The following KANSL3 variants were observed in gnomAD, a reference collection of about 807,000 sequenced individuals.
The protein encoded by KANSL3 is KAT8 regulatory NSL complex subunit 3, also known as NSL complex protein NSL3.
In KANSL3, 16 loss-of-function variants were observed where a neutral mutation model predicts 89.2. The observed-to-expected ratio is 0.18, with a 90% CI of 0.12 to 0.27. KANSL3 has a LOEUF of 0.27. KANSL3 is among the 10% of genes least tolerant of loss of function. The probability of loss-of-function intolerance (pLI) is 1.00; values close to 1 mark genes in which losing one functional copy is unlikely to be tolerated. For synonymous variants in KANSL3, 385 were observed against 419.7 expected, an observed-to-expected ratio of 0.92 and a Z score of 1.01; for missense variants, 879 against 1,110.6, an observed-to-expected ratio of 0.79 and a Z score of 2.96.
the KANSL3 span, among the ~76,000 whole-genome samples, chr2:96,583,257 A>G: frequency 6.6e-6 from 1 of 152,096 alleles, no homozygotes; most frequent in African/African-American, 2.4e-5. Context: ...TTTTTTATTT[A>G]TAGTTATTAC....
chr2:96,611,499 C>A (rs1284020903), intron 9 of KANSL3, among the ~76,000 whole-genome samples: 1 of 152,176 alleles, frequency 6.6e-6, no homozygotes, highest in Non-Finnish European at 1.5e-5. Flanking sequence ...TTGCCATTAA[C>A]CCTTAAGTGA....
intron 7 of KANSL3, 91 bp from the exon 8 acceptor site, chr2:96,612,654 T>C: frequency 8.1e-7 from 1 of 1,233,420 alleles, no homozygotes; most frequent in Non-Finnish European, 1.2e-6. Flanking sequence ...AACCTTGGAA[T>C]TCCACATGAA....
intron 11 of KANSL3, among the ~76,000 whole-genome samples, chr2:96,609,950 C>CAAA (rs35175492): frequency 0.074 from 1,592 of 21,612 alleles, 645 homozygotes; most frequent in African/African-American, 0.18. Flanking sequence ...GGCGCCACCT[C>CAAA]AAAAAAAAAA....
chr2:96,621,205 G>A (rs1009546683), intron 3 of KANSL3, among the ~76,000 whole-genome samples: 1 of 151,958 alleles, frequency 6.6e-6, no homozygotes, highest in African/African-American at 2.4e-5. Context: ...AGACATAAAA[G>A]GAAGAAAGAG....
At chr2:96,632,952 C>T (rs528036541) in intron 2 of KANSL3, among the ~76,000 whole-genome samples, 20 of 132,810 alleles carry the variant, frequency 1.5e-4, no homozygotes, top group Non-Finnish European at 2.5e-4. Flanking sequence ...GGAGACAGAG[C>T]GAGACTCCAT....
At chr2:96,589,375 A>G (rs964414945), downstream of KANSL3, among the ~76,000 whole-genome samples, 2 of 152,224 alleles carry the variant, frequency 1.3e-5, no homozygotes, top group Non-Finnish European at 2.9e-5. Flanking sequence ...ATGTCATGCA[A>G]ACATAAATCA....
intron 3 of KANSL3, among the ~76,000 whole-genome samples, chr2:96,627,722 A>G (rs970390908): frequency 2.4e-4 from 36 of 152,344 alleles, no homozygotes; most frequent in African/African-American, 5.8e-4. Flanking sequence ...ATGACTTTAT[A>G]TAAGAAGAAA....
chr2:96,610,428 G>A (rs568954664), intron 11 of KANSL3: 80 of 217,432 alleles, frequency 3.7e-4, no homozygotes, highest in Non-Finnish European at 6.1e-4. Context: ...CCATTCTCCT[G>A]CCTCAGCCTC....
chr2:96,585,374 A>AT, the KANSL3 span, among the ~76,000 whole-genome samples: 2 of 152,216 alleles, frequency 1.3e-5, no homozygotes, highest in East Asian at 3.8e-4. Flanking sequence ...ATATGAAAAA[A>AT]TGCTCAACAC....
In KANSL3 at chr2:96,608,555, C is replaced by G; in HGVS notation, c.1694G>C (p.Arg565Thr). The G allele has an allele frequency of 6.2e-7, 1 of 1,614,052 alleles. No individual in the cohort carries two copies. Among genetic ancestry groups the G allele is most frequent in the Non-Finnish European group, 8.5e-7 (1 of 1,179,896 alleles). Residue 565 changes from arginine to threonine, a missense_variant, in exon 14 of 21, where the codon AGA (arginine) becomes ACA (threonine). Arg to Thr is a moderately conservative substitution (Grantham distance 71, BLOSUM62 -1). Coordinates refer to ENST00000431828, the MANE Select transcript of KANSL3 (RefSeq NM_001115016.3). ...CACAGCTTCTGTCCGCTGCACATGT[C>G]TCTTCAGCAGCTGAGAACTTCCAAT... The part of the protein sequence containing the change: ...SQIGSSQLLK[R>T]HVQRTEAVLT...
At chr2:96,633,732 G>A (rs2106241907) in intron 2 of KANSL3, among the ~76,000 whole-genome samples, 1 of 152,186 alleles carries the variant, frequency 6.6e-6, no homozygotes, top group Admixed American at 6.5e-5. Flanking sequence ...GGGTGTGGCA[G>A]CGTGCACCTA....
Position 96,602,170 on chromosome 2 carries a change from C to A in KANSL3, c.2428G>T (p.Ala810Ser), listed in dbSNP as rs1252975092. The A allele has an allele frequency of 1.2e-6, 2 of 1,600,874 alleles. No homozygotes were observed. Among genetic ancestry groups the A allele is most frequent in the Admixed American group, 3.4e-5 (2 of 58,058 alleles). ...IHQLLTNGGL[A>S]KLASSLPGLA... The stretch of plus-strand genomic sequence containing the variant: ...CCAGGGAGGCTGCTTGCCAACTTAG[C>A]GAGGCCCCCATTGGTCAGCAGCTGG... Residue 810 changes from alanine to serine, a missense_variant, in exon 19 of 21, where the codon GCT becomes TCT. Ala to Ser is a moderately conservative substitution (Grantham distance 99). Around this residue, in one of 6 missense-constraint regions of KANSL3, gnomAD observed 89 missense variants for 139.7 expected, o/e 0.64. Coordinates refer to ENST00000431828, the MANE Select transcript of KANSL3 (RefSeq NM_001115016.3).
chr2:96,631,549 T>C (rs991628829), intron 2 of KANSL3, 67 bp from the exon 3 acceptor site: 1 of 1,527,422 alleles, frequency 6.5e-7, no homozygotes, highest in African/African-American at 1.4e-5. Context: ...ATCATCTGGT[T>C]GACAAAAAAT....
intron 2 of KANSL3, among the ~76,000 whole-genome samples, chr2:96,632,915 G>A (rs564472540): frequency 9.6e-5 from 14 of 146,574 alleles, no homozygotes; most frequent in East Asian, 8.1e-4. Flanking sequence ...GCAGTGAGCC[G>A]AGATTGCGCC....
rs1419464513 is a variant in KANSL3 at position 96,602,814 on chromosome 2, T to C, written c.2198A>G (p.Gln733Arg). The change falls in exon 18 of 21, where the codon CAG becomes CGG. Residue 733 changes from glutamine to arginine, a missense_variant. Gln to Arg is a conservative substitution (Grantham distance 43). Transcript: ENST00000431828. ...SLLQGLSFSL[Q>R]DISSKTSGLP... Reference sequence around the variant, plus strand: ...GCCAGAGGTCTTGCTGCTGATATCCTGCAAGCTGAAGCTGAGGCCTTGGAG... The same window carrying C: ...GCCAGAGGTCTTGCTGCTGATATCCCGCAAGCTGAAGCTGAGGCCTTGGAG... 6.2e-7 allele frequency: 1 copy of C among 1,613,324 alleles called. No individual in the cohort carries two copies. Among genetic ancestry groups the C allele is most frequent in the Non-Finnish European group, 8.5e-7 (1 of 1,179,564 alleles).
chr2:96,590,042 C>T (rs1287789388), downstream of KANSL3, among the ~76,000 whole-genome samples: 1 of 151,766 alleles, frequency 6.6e-6, no homozygotes, highest in Non-Finnish European at 1.5e-5. Flanking sequence ...TGCCTGTAAT[C>T]CCAGCTACTA....
At chr2:96,622,229 G>C (rs1310135944) in intron 3 of KANSL3, among the ~76,000 whole-genome samples, 4 of 152,114 alleles carry the variant, frequency 2.6e-5, no homozygotes, top group Non-Finnish European at 5.9e-5. Flanking sequence ...TTTGAGACCA[G>C]CTTGGGCAAC....
chr2:96,601,625 C>A lies in KANSL3; in HGVS notation c.2616+18G>T. 6.2e-7 allele frequency: 1 copy of A among 1,611,986 alleles called. No homozygotes were observed. Among genetic ancestry groups the A allele is most frequent in the Non-Finnish European group, 8.5e-7 (1 of 1,179,192 alleles). On this transcript the variant is annotated intron_variant, in intron 20 of 20. Coordinates refer to ENST00000431828, the MANE Select transcript of KANSL3 (RefSeq NM_001115016.3). ...CAATAATGAAGCCCATGTCCTCAGT[C>A]CTTCCTGGCAGACTCACCTGTGAGC...
chr2:96,600,384 CA>C, intron 20 of KANSL3: 2 of 876,508 alleles, frequency 2.3e-6, no homozygotes, highest in Non-Finnish European at 2.7e-6. Flanking sequence ...TAAGCATAAT[CA>C]TTTTTATAAT....
Sources: allele counts gnomAD v4.1 joint callset (sites outside exome capture counted in the v4.1 genomes callset), GRCh38; gene constraint gnomAD v4.1.1; regional missense constraint gnomAD v4.1.1; transcripts MANE v1.5; gene names NCBI Gene and HGNC (gene_info 2026-07-23, HGNC 2026-07-21).